The following THSD4 variants were observed in gnomAD, a reference collection of about 807,000 sequenced individuals.
THSD4 encodes thrombospondin type 1 domain containing 4.
THSD4 carries 69 observed loss-of-function variants against 119.0 expected under a neutral mutation model. The ratio of observed to expected loss-of-function variants is 0.58; its 90% CI spans 0.48 to 0.71. The LOEUF is 0.71. Among genes scored for constraint, THSD4 ranks in the 30% least tolerant of loss-of-function variants. The probability of loss-of-function intolerance (pLI) is 0.00; values close to 1 mark genes in which losing one functional copy is unlikely to be tolerated. For synonymous variants in THSD4, 524 were observed against 540.4 expected (o/e 0.97, Z 0.42); for missense variants, 1,393 against 1,391.1 (o/e 1.00, Z -0.02).
intron 6 of THSD4, among the ~76,000 whole-genome samples, chr15:71,321,147 GA>G (rs1343064839): frequency 1.3e-5 from 2 of 152,226 alleles, no homozygotes; most frequent in African/African-American, 2.4e-5. Flanking sequence ...TAGCAGAGAT[GA>G]AATGACTGCC....
chr15:71,292,877 T>C (rs1397586075), intron 6 of THSD4, among the ~76,000 whole-genome samples: 3 of 152,100 alleles, frequency 2.0e-5, no homozygotes, highest in African/African-American at 7.2e-5. Flanking sequence ...AGGGTTTCAC[T>C]GTGTTAGCCA....
In THSD4 at chr15:71,757,971, C is replaced by T; in HGVS notation, c.2485C>T (p.Leu829=). ...GTGCATGACCAACCATGTCAGCAGC[C>T]TGCCCCTGGAGGGCTGTGGGAACAA... ...VVCMTNHVSS[L]PLEGCGNNRP... Residue 829 remains leucine (L), a synonymous_variant, in exon 15 of 18, where the codon CTG becomes TTG. Transcript: ENST00000261862. 2 of 1,614,178 alleles carry T rather than the reference C, an allele frequency of 1.2e-6. No individual in the cohort carries two copies. The highest frequency in any genetic ancestry group is 2.7e-5 in the African/African-American group (2 of 75,062).
intron 11 of THSD4, among the ~76,000 whole-genome samples, chr15:71,740,058 A>T (rs1253216833): frequency 6.6e-6 from 1 of 152,164 alleles, no homozygotes; most frequent in Non-Finnish European, 1.5e-5. Flanking sequence ...CTGCAGTTCC[A>T]TAATGATTTG....
intron 7 of THSD4, among the ~76,000 whole-genome samples, chr15:71,517,615 C>T (rs1361838731): frequency 6.6e-6 from 1 of 152,220 alleles, no homozygotes; most frequent in Non-Finnish European, 1.5e-5. Context: ...TGTGATAAGT[C>T]TCACTGGCAT....
chr15:71,385,160 G>A (rs754315543), intron 6 of THSD4, among the ~76,000 whole-genome samples: 9 of 151,958 alleles, frequency 5.9e-5, no homozygotes, highest in Admixed American at 1.3e-4. Context: ...CGTGACTTCC[G>A]AACCCAATTC....
At chr15:71,735,357 G>A (rs1240190450) in intron 10 of THSD4, among the ~76,000 whole-genome samples, 1 of 152,108 alleles carries the variant, frequency 6.6e-6, no homozygotes, top group Non-Finnish European at 1.5e-5. Context: ...ACTGGACATT[G>A]TCTGGTACAC....
At chr15:71,149,705 G>GT (rs1056860709) in intron 2 of THSD4, among the ~76,000 whole-genome samples, 22 of 151,614 alleles carry the variant, frequency 1.5e-4, no homozygotes, top group African/African-American at 1.9e-4. Context: ...AAAGGAAGTA[G>GT]TTTTTTTTTC....
chr15:71,453,758 G>A (rs1369766496), intron 7 of THSD4, among the ~76,000 whole-genome samples: 1 of 152,156 alleles, frequency 6.6e-6, no homozygotes, highest in Non-Finnish European at 1.5e-5. Flanking sequence ...TTAATGAATA[G>A]GTACATGTAA....
intron 6 of THSD4, among the ~76,000 whole-genome samples, chr15:71,400,656 C>A (rs1159482020): frequency 6.6e-6 from 1 of 152,136 alleles, no homozygotes; most frequent in Non-Finnish European, 1.5e-5. Context: ...GAGCAAGCAC[C>A]TTATTTTATT....
chr15:71,191,094 C>CG (rs2043668167), intron 3 of THSD4, among the ~76,000 whole-genome samples: 1 of 152,124 alleles, frequency 6.6e-6, no homozygotes, highest in Admixed American at 6.6e-5. Flanking sequence ...GCTTCCTCTC[C>CG]ATTCCTTCTC....
chr15:71,295,096 G>A (rs1253153173), intron 6 of THSD4, among the ~76,000 whole-genome samples: 1 of 152,118 alleles, frequency 6.6e-6, no homozygotes, highest in Admixed American at 6.5e-5. Context: ...GTAGCCTTAA[G>A]ATAAACAGAT....
At chr15:71,638,107 G>A (rs563543923) in intron 7 of THSD4, among the ~76,000 whole-genome samples, 32 of 152,248 alleles carry the variant, frequency 2.1e-4, no homozygotes, top group Admixed American at 4.6e-4. Context: ...ATTTTACCAC[G>A]TTTTTGTTTT....
intron 15 of THSD4, among the ~76,000 whole-genome samples, 194 bp downstream of exon 15, chr15:71,758,269 G>A (rs557254905): frequency 9.9e-5 from 15 of 152,270 alleles, no homozygotes; most frequent in East Asian, 7.7e-4. Flanking sequence ...GAGCACCTAC[G>A]GTGTGCTCAT....
chr15:71,653,386 G>C (rs1296127641), intron 7 of THSD4, among the ~76,000 whole-genome samples: 3 of 152,318 alleles, frequency 2.0e-5, no homozygotes, highest in African/African-American at 7.2e-5. Flanking sequence ...TGTCCCATGA[G>C]CTTTGGAATA....
chr15:71,666,365 A>G (rs1444301494), intron 8 of THSD4, among the ~76,000 whole-genome samples: 8 of 152,160 alleles, frequency 5.3e-5, no homozygotes, highest in Admixed American at 3.9e-4. Context: ...CAGGTTTGTT[A>G]CATAGTTAAA....
chr15:71,388,394 T>C (rs2046320623), intron 6 of THSD4, among the ~76,000 whole-genome samples: 1 of 152,222 alleles, frequency 6.6e-6, no homozygotes, highest in Non-Finnish European at 1.5e-5. Flanking sequence ...TCATGCAGGC[T>C]TTATTGGTTT....
intron 6 of THSD4, among the ~76,000 whole-genome samples, chr15:71,276,865 C>T (rs16955360): frequency 0.019 from 2,835 of 152,196 alleles, 100 homozygotes; most frequent in African/African-American, 0.065. Context: ...AAGAGATGAC[C>T]TTAGGATGGG....
intron 7 of THSD4, among the ~76,000 whole-genome samples, chr15:71,627,118 G>C (rs1382225710): frequency 6.6e-6 from 1 of 151,936 alleles, no homozygotes; most frequent in African/African-American, 2.4e-5. Context: ...AAAGGAACAT[G>C]TCCTGAGGTT....
At chr15:71,565,521 G>A (rs1443666181) in intron 7 of THSD4, among the ~76,000 whole-genome samples, 1 of 152,136 alleles carries the variant, frequency 6.6e-6, no homozygotes, top group Admixed American at 6.5e-5. Context: ...TTAGAACTTA[G>A]CAAAGTACAT....
Sources: gnomAD v4.1 joint callset for allele counts (sites outside exome capture counted in the v4.1 genomes callset) on GRCh38, gnomAD v4.1.1 for gene constraint, MANE v1.5 for transcripts, NCBI Gene and HGNC (gene_info 2026-07-23, HGNC 2026-07-21) for gene names.